Variants in TRIM67 observed in about 807,000 individuals in gnomAD.
TRIM67 encodes tripartite motif-containing protein 67.
A neutral mutation model predicts 71.0 loss-of-function variants in TRIM67; 39 were observed. The observed-to-expected ratio is 0.55, with a 90% CI of 0.43 to 0.72. The LOEUF is 0.72. Among genes scored for constraint, TRIM67 ranks in the 30% least tolerant of loss-of-function variants. TRIM67 has a pLI of 0.00. For missense variants in TRIM67, 973 were observed against 1,079.2 expected, an observed-to-expected ratio of 0.90 and a Z score of 1.38; for synonymous variants, 481 against 473.9, an observed-to-expected ratio of 1.01 and a Z score of -0.19.
chr1:231,217,378 G>A lies in TRIM67; in HGVS notation c.*1938G>A. ...TCCCAGAGCCCTGTCCAGAGCTCTT[G>A]GTGGTGACACACAAGACCTGGGACC... On this transcript the variant is annotated 3_prime_UTR_variant, in exon 10 of 10. Transcript: ENST00000366653. 1 of 986,858 alleles carries A rather than the reference G, an allele frequency of 1.0e-6. No individual in the cohort carries two copies. The highest frequency in any genetic ancestry group is 1.2e-6 in the Non-Finnish European group (1 of 830,926). The allele number at this position is 986,858 out of a possible 1,614,324, so 61.1% of individuals were successfully genotyped here. A position where few individuals can be genotyped will look rare whatever the true frequency, so the allele number is the denominator to read the frequency against.
At chr1:231,193,502 A>AGCTC (rs1683287428) in intron 1 of TRIM67, among the ~76,000 whole-genome samples, 1 of 3,516 alleles carries the variant, frequency 2.8e-4, no homozygotes, top group Non-Finnish European at 7.3e-4. Context: ...CTCTCTCTCA[A>AGCTC]GCTCTCTCTC....
chr1:231,178,005 G>A (rs1682800490), intron 1 of TRIM67, among the ~76,000 whole-genome samples: 1 of 152,186 alleles, frequency 6.6e-6, no homozygotes, highest in Non-Finnish European at 1.5e-5. Context: ...GATTCATAAA[G>A]GAAGGGTCAT....
chr1:231,179,680 A>G (rs1210312222), intron 1 of TRIM67, among the ~76,000 whole-genome samples: 1 of 152,254 alleles, frequency 6.6e-6, no homozygotes, highest in Non-Finnish European at 1.5e-5. Context: ...CAACAACGAA[A>G]CAAGAAGAGA....
Position 231,217,634 on chromosome 1 carries a change from T to C in TRIM67, c.*2194T>C. 1 of 1,144,164 alleles carries C rather than the reference T, an allele frequency of 8.7e-7. No homozygotes were observed. 70.9% of individuals were successfully genotyped at this position (1,144,164 alleles called of 1,614,324 possible). Reference sequence around the variant, plus strand: ...CCCTGCCCCCAGAATGAGAGTGGGCTAGGCAGGGCTGCCTGGTGACAGCAG... The same window carrying C: ...CCCTGCCCCCAGAATGAGAGTGGGCCAGGCAGGGCTGCCTGGTGACAGCAG... On this transcript the variant is annotated 3_prime_UTR_variant, in exon 10 of 10. Coordinates refer to ENST00000366653, the MANE Select transcript of TRIM67 (RefSeq NM_001004342.5).
intron 1 of TRIM67, chr1:231,186,144 A>T (rs1216994229): frequency 2.0e-6 from 3 of 1,533,148 alleles, no homozygotes; most frequent in Admixed American, 3.9e-5. Flanking sequence ...GAAGGGCTTG[A>T]CAGCCAGGCT....
In TRIM67 at chr1:231,217,425, TG is replaced by T; in HGVS notation, c.*1986del. The stretch of plus-strand genomic sequence containing the variant: ...GACCCTGTGTCCTTGCCCGCACCTC[TG>T]CCTCTGTCTCCCATATCCCTGCAGC... On this transcript the variant is annotated 3_prime_UTR_variant, in exon 10 of 10. Transcript: ENST00000366653. The T allele has an allele frequency of 1.0e-6, 1 of 988,808 alleles. No individual in the cohort carries two copies. The highest frequency in any genetic ancestry group is 1.2e-6 in the Non-Finnish European group (1 of 832,180). The allele number at this position is 988,808 out of a possible 1,614,324, so 61.3% of individuals were successfully genotyped here. A position where few individuals can be genotyped will look rare whatever the true frequency, so the allele number is the denominator to read the frequency against.
chr1:231,184,248 A>T (rs1432062638), intron 1 of TRIM67: 1 of 151,924 alleles, frequency 6.6e-6, no homozygotes, highest in Non-Finnish European at 1.5e-5. Context: ...CCCAGTTCCC[A>T]TTGCATCTGA....
Position 231,215,670 on chromosome 1 carries a change from C to T in TRIM67, c.*230C>T. ...GGCAAAGGAAGGTACGTGTGTCACC[C>T]TTATTCCACCCAGACATTACGAACA... On this transcript the variant is annotated 3_prime_UTR_variant, in exon 10 of 10. Coordinates refer to ENST00000366653, the MANE Select transcript of TRIM67 (RefSeq NM_001004342.5). The T allele has an allele frequency of 1.6e-6, 2 of 1,289,122 alleles. No homozygotes were observed. The highest frequency in any genetic ancestry group is 1.5e-5 in the African/African-American group (1 of 66,214). The allele number at this position is 1,289,122 out of a possible 1,614,324, so 79.9% of individuals were successfully genotyped here.
At position 231,202,109 on chromosome 1, in the gene TRIM67, G is replaced by GGCT. The variant is rs1284607055; in HGVS notation, c.1534+593_1534+594insCTG. ...TGGCTAAGATAATGGAGGAGGAGGA[G>GGCT]GAGGTAATGGTGGAGGAGGAGATGG... is the stretch of plus-strand genomic sequence containing the variant. On this transcript the variant is annotated intron_variant, in intron 5 of 9. Coordinates refer to ENST00000366653, the MANE Select transcript of TRIM67 (RefSeq NM_001004342.5). 1.7e-4 allele frequency among the ~76,000 whole-genome samples: 16 copies of GGCT among 93,714 alleles called. 1 individual carries two copies. Among genetic ancestry groups the GGCT allele is most frequent in the Admixed American group, 6.2e-4 (5 of 8,004 alleles). The allele number at this position is 93,714 out of a possible 152,430, so 61.5% of individuals were successfully genotyped here. A position where few individuals can be genotyped will look rare whatever the true frequency, so the allele number is the denominator to read the frequency against.
chr1:231,212,438 T>G (rs1416876335), intron 8 of TRIM67, among the ~76,000 whole-genome samples: 3 of 152,120 alleles, frequency 2.0e-5, no homozygotes. Flanking sequence ...GGGGGTTAGG[T>G]GAGGAGCCTT....
In TRIM67 at chr1:231,217,750, C is replaced by T. The variant is rs1005531216; in HGVS notation, c.*2310C>T. The stretch of plus-strand genomic sequence containing the variant: ...GGTGGCCCCAGCTCTGCAGAAGAAT[C>T]GCCCATCATTGGAGCACAAGTTGCC... On this transcript the variant is annotated 3_prime_UTR_variant, in exon 10 of 10. Coordinates refer to ENST00000366653, the MANE Select transcript of TRIM67 (RefSeq NM_001004342.5). 11 of 1,268,872 alleles carry T rather than the reference C, an allele frequency of 8.7e-6. No individual in the cohort carries two copies. Among genetic ancestry groups the T allele is most frequent in the Admixed American group, 7.3e-5 (3 of 41,148 alleles). The allele number at this position is 1,268,872 out of a possible 1,614,324, so 78.6% of individuals were successfully genotyped here.
intron 5 of TRIM67, among the ~76,000 whole-genome samples, 181 bp downstream of exon 5, chr1:231,201,698 G>A (rs1029300421): frequency 2.6e-5 from 4 of 152,224 alleles, no homozygotes; most frequent in African/African-American, 9.6e-5. Flanking sequence ...ACAGCCATGT[G>A]AGCTGGGGTG....
In TRIM67 at chr1:231,217,729, G is replaced by T; in HGVS notation, c.*2289G>T. The T allele has an allele frequency of 8.0e-7, 1 of 1,244,764 alleles. No individual in the cohort carries two copies. The highest frequency in any genetic ancestry group is 1.0e-6 in the Non-Finnish European group (1 of 965,118). The allele number at this position is 1,244,764 out of a possible 1,614,324, so 77.1% of individuals were successfully genotyped here. A position where few individuals can be genotyped will look rare whatever the true frequency, so the allele number is the denominator to read the frequency against. The stretch of plus-strand genomic sequence containing the variant: ...TCACCACAGCCCAGGTCACCAGGTG[G>T]CCCCAGCTCTGCAGAAGAATCGCCC... On this transcript the variant is annotated 3_prime_UTR_variant, in exon 10 of 10. Transcript: ENST00000366653.
At chr1:231,202,767 C>T (rs139073539) in intron 5 of TRIM67, among the ~76,000 whole-genome samples, 1 of 152,298 alleles carries the variant, frequency 6.6e-6, no homozygotes, top group East Asian at 1.9e-4. Flanking sequence ...AGGCCATTTG[C>T]CCCAGGTGTA....
intron 1 of TRIM67, among the ~76,000 whole-genome samples, chr1:231,176,923 A>AAAAAAAAAAC (rs1553322802): frequency 6.6e-6 from 1 of 151,036 alleles, no homozygotes; most frequent in Admixed American, 6.6e-5. Context: ...AAAAAAAAAA[A>AAAAAAAAAAC]CACCTTTCAA....
Position 231,216,130 on chromosome 1 carries a change from C to T in TRIM67, c.*690C>T. ...TCTCTCTCTCTCTTCCTCCATCCTTCATTTCTTCTCCCTCCCTCCTTCTCT... is the reference window on the plus strand; with the variant it reads ...TCTCTCTCTCTCTTCCTCCATCCTTTATTTCTTCTCCCTCCCTCCTTCTCT... On this transcript the variant is annotated 3_prime_UTR_variant, in exon 10 of 10. Coordinates refer to ENST00000366653, the MANE Select transcript of TRIM67 (RefSeq NM_001004342.5). 1 of 982,866 alleles carries T rather than the reference C, an allele frequency of 1.0e-6. No homozygotes were observed. The highest frequency in any genetic ancestry group is 1.2e-6 in the Non-Finnish European group (1 of 827,680). 60.9% of individuals were successfully genotyped at this position (982,866 alleles called of 1,614,324 possible). A position where few individuals can be genotyped will look rare whatever the true frequency, so the allele number is the denominator to read the frequency against.
intron 1 of TRIM67, among the ~76,000 whole-genome samples, chr1:231,196,983 A>T (rs1162822916): frequency 1.3e-5 from 2 of 151,932 alleles, no homozygotes; most frequent in Non-Finnish European, 2.9e-5. Context: ...ACGGAACCTG[A>T]CCTGGGGTCT....
chr1:231,200,246 C>T lies in TRIM67; in HGVS notation c.1362C>T (p.Ser454=), dbSNP rs113400917. The T allele has an allele frequency of 1.2e-5, 20 of 1,612,208 alleles. No homozygotes were observed. The highest frequency in any genetic ancestry group is 6.7e-5 in the African/African-American group (5 of 75,002). Residue 454 remains serine (S), a synonymous_variant, in exon 4 of 10, where the codon TCC becomes TCT. Transcript: ENST00000366653. ...CLEVIKENDP[S]GFLQISDALI... Reference sequence around the variant, plus strand: ...AGGTGATCAAGGAGAACGACCCCTCCGGGTTCTTACAGGTGAGCCTGTCCC... The same window carrying T: ...AGGTGATCAAGGAGAACGACCCCTCTGGGTTCTTACAGGTGAGCCTGTCCC...
At chr1:231,206,890 G>T (rs1029868859) in intron 7 of TRIM67, 100 bp downstream of exon 7, 11 of 1,311,904 alleles carry the variant, frequency 8.4e-6, no homozygotes, top group African/African-American at 3.0e-5. Flanking sequence ...GGGTAGGGGT[G>T]GGGGGTGGTG....
Sources: allele counts gnomAD v4.1 joint callset (sites outside exome capture counted in the v4.1 genomes callset), GRCh38; gene constraint gnomAD v4.1.1; transcripts MANE v1.5; gene names NCBI Gene and HGNC (gene_info 2026-07-23, HGNC 2026-07-21).